TMOD2: variants seen among roughly 807,000 people sequenced by gnomAD.
TMOD2 encodes tropomodulin-2.
A neutral mutation model predicts 39.9 loss-of-function variants in TMOD2; 22 were observed. That is an observed-to-expected ratio of 0.55 (90% CI 0.39 to 0.79). The LOEUF (loss-of-function observed/expected upper bound fraction) is 0.79, where lower values mean the gene tolerates loss of function less well. Ranked by LOEUF, TMOD2 falls within the 30% of genes least tolerant of loss-of-function variation. The pLI, the probability that TMOD2 is intolerant of heterozygous loss-of-function variation, is 0.00. For missense variants in TMOD2, 386 were observed against 413.3 expected (o/e 0.93, Z 0.57); for synonymous variants, 123 against 146.1 (o/e 0.84, Z 1.14).
In TMOD2 at chr15:51,810,888, GA is replaced by G. The variant is rs201081963; in HGVS notation, c.*2441del. ...CTTGGCAAACTCTGGCAGAAAGCAA[GA>G]AAAAAAGAATCAGAATTCAATCATG... On this transcript the variant is annotated 3_prime_UTR_variant, in exon 10 of 10. Transcript: ENST00000249700. 6.7e-6 allele frequency: 1 copy of G among 149,776 alleles called. No individual in the cohort carries two copies. Among genetic ancestry groups the G allele is most frequent in the African/African-American group, 2.5e-5 (1 of 40,780 alleles). The allele number at this position is 149,776 out of a possible 1,614,324, so 9.3% of individuals were successfully genotyped here.
chr15:51,812,578 T>C lies in TMOD2; in HGVS notation c.*4124T>C, dbSNP rs1050350517. On this transcript the variant is annotated 3_prime_UTR_variant, in exon 10 of 10. Transcript: ENST00000249700. ...TTCTGGACTAATATAATTTTATATG[T>C]GTTTCTGAGATTGGGGAGTAGACTG... 5.3e-5 allele frequency: 8 copies of C among 152,184 alleles called. No homozygotes were observed. The highest frequency in any genetic ancestry group is 1.7e-4 in the African/African-American group (7 of 41,436). The allele number at this position is 152,184 out of a possible 1,614,324, so 9.4% of individuals were successfully genotyped here. A position where few individuals can be genotyped will look rare whatever the true frequency, so the allele number is the denominator to read the frequency against.
At chr15:51,775,503 T>C (rs1037677883) in intron 4 of TMOD2, among the ~76,000 whole-genome samples, 1 of 151,964 alleles carries the variant, frequency 6.6e-6, no homozygotes, top group African/African-American at 2.4e-5. Flanking sequence ...GCCTCAGTGT[T>C]TATCAAATGG....
At chr15:51,789,825 C>G (rs1182207278) in intron 7 of TMOD2, among the ~76,000 whole-genome samples, 1 of 152,154 alleles carries the variant, frequency 6.6e-6, no homozygotes, top group Non-Finnish European at 1.5e-5. Flanking sequence ...AACAAAGACA[C>G]AGCGTACCAG....
chr15:51,780,991 T>C, intron 5 of TMOD2, 53 bp from the exon 6 acceptor site: 14 of 1,505,878 alleles, frequency 9.3e-6, no homozygotes, highest in Non-Finnish European at 1.2e-5. Context: ...AAGTCACCAC[T>C]GATTTTGATA....
At chr15:51,794,870 C>T (rs766531152) in intron 7 of TMOD2, among the ~76,000 whole-genome samples, 6 of 152,120 alleles carry the variant, frequency 3.9e-5, no homozygotes, top group African/African-American at 7.2e-5. Flanking sequence ...TATTTTCACA[C>T]ATTTGAGCTT....
At position 51,794,965 on chromosome 15, in the gene TMOD2, A is replaced by G. The variant is rs560843064; in HGVS notation, c.733-3232A>G. Among the ~76,000 whole-genome samples the G allele has an allele frequency of 8.5e-5, 13 of 152,328 alleles. No individual in the cohort carries two copies. In the South Asian group the frequency reaches 2.5e-3, roughly 29 times the overall value. ...TATTAGCAGCATTTACAATTATATG[A>G]CTTATATAAATATAAATCTCCATTC... On this transcript the variant is annotated intron_variant, in intron 7 of 9. Transcript: ENST00000249700.
Position 51,808,546 on chromosome 15 carries a change from T to C in TMOD2, c.*92T>C. 9.8e-7 allele frequency: 1 copy of C among 1,023,798 alleles called. No individual in the cohort carries two copies. Among genetic ancestry groups the C allele is most frequent in the South Asian group, 1.5e-5 (1 of 65,868 alleles). 63.4% of individuals were successfully genotyped at this position (1,023,798 alleles called of 1,614,324 possible). ...CCCCATCAGGACCATTTTATCAAAG[T>C]TCGTTCATTTCCGTTAACCACATAA... is the stretch of plus-strand genomic sequence containing the variant. On this transcript the variant is annotated 3_prime_UTR_variant, in exon 10 of 10. Transcript: ENST00000249700.
chr15:51,790,606 T>C (rs577183033), intron 7 of TMOD2, among the ~76,000 whole-genome samples: 1 of 152,260 alleles, frequency 6.6e-6, no homozygotes, highest in African/African-American at 2.4e-5. Context: ...AAATCCTCAA[T>C]AAAATACTGG....
At chr15:51,800,706 T>G (rs2056081361) in intron 8 of TMOD2, among the ~76,000 whole-genome samples, 1 of 152,142 alleles carries the variant, frequency 6.6e-6, no homozygotes, top group Non-Finnish European at 1.5e-5. Flanking sequence ...TTTTGTTTGT[T>G]TTTTGTTTGT....
chr15:51,807,726 A>T (rs1247364333), intron 9 of TMOD2, among the ~76,000 whole-genome samples: 1 of 152,198 alleles, frequency 6.6e-6, no homozygotes, highest in Non-Finnish European at 1.5e-5. Flanking sequence ...GGAGAGTTAG[A>T]GCAAGACCAC....
chr15:51,810,837 G>C lies in TMOD2; in HGVS notation c.*2383G>C, dbSNP rs979578514. On this transcript the variant is annotated 3_prime_UTR_variant, in exon 10 of 10. Transcript: ENST00000249700. The stretch of plus-strand genomic sequence containing the variant: ...AGAGCATTCCTTGCAGCCCCACAGT[G>C]CTGTGGGCTGGGGGCTAAAGCAGTT... 1 of 149,778 alleles carries C rather than the reference G, an allele frequency of 6.7e-6. No individual in the cohort carries two copies. The allele number at this position is 149,778 out of a possible 1,614,324, so 9.3% of individuals were successfully genotyped here. A position where few individuals can be genotyped will look rare whatever the true frequency, so the allele number is the denominator to read the frequency against.
Position 51,769,860 on chromosome 15 carries a change from C to T in TMOD2, c.283+1442C>T, listed in dbSNP as rs930078985. ...GACCAGCCTGGGAAACATGGCAAAACCCCATCTCTAAAAAAATACAAAAAT... is the reference window on the plus strand; with the variant it reads ...GACCAGCCTGGGAAACATGGCAAAATCCCATCTCTAAAAAAATACAAAAAT... On this transcript the variant is annotated intron_variant, in intron 3 of 9. Coordinates refer to ENST00000249700, the MANE Select transcript of TMOD2 (RefSeq NM_014548.4). 1.1e-4 allele frequency among the ~76,000 whole-genome samples: 16 copies of T among 152,096 alleles called. 1 individual carries two copies. In the East Asian group the frequency reaches 3.1e-3, roughly 29 times the overall value.
At chr15:51,752,694 AG>A (rs2055714662) in intron 1 of TMOD2, 2 of 152,230 alleles carry the variant, frequency 1.3e-5, no homozygotes, top group African/African-American at 2.4e-5. Context: ...CTCCCCTCTC[AG>A]GGAACTGAAA....
intron 2 of TMOD2, chr15:51,766,919 C>A: frequency 6.1e-6 from 1 of 164,416 alleles, no homozygotes; most frequent in Non-Finnish European, 1.3e-5. Context: ...CACAGAAGCC[C>A]TTGAGGTAAA....
rs140594000 is a variant in TMOD2 at position 51,798,572 on chromosome 15, C to T, written c.876+232C>T. ...CCTGGGACATAAAGAGCCATCTATC[C>T]CACAACCCTAGGCTAGTCAGGCTCC... On this transcript the variant is annotated intron_variant, in intron 8 of 9. Coordinates refer to ENST00000249700, the MANE Select transcript of TMOD2 (RefSeq NM_014548.4). 1.6e-3 allele frequency among the ~76,000 whole-genome samples: 237 copies of T among 152,316 alleles called. 1 individual carries two copies. Among genetic ancestry groups the T allele is most frequent in the African/African-American group, 5.5e-3 (230 of 41,564 alleles).
chr15:51,778,961 C>T (rs1259113705), intron 5 of TMOD2, among the ~76,000 whole-genome samples: 1 of 151,030 alleles, frequency 6.6e-6, no homozygotes, highest in Non-Finnish European at 1.5e-5. Context: ...GAGCAATATT[C>T]CTTTTATTTT....
chr15:51,773,323 T>G (rs2055865741), intron 3 of TMOD2, among the ~76,000 whole-genome samples: 1 of 152,164 alleles, frequency 6.6e-6, no homozygotes, highest in South Asian at 2.1e-4. Context: ...GGCCTCATGG[T>G]TCCTCCCCTG....
intron 7 of TMOD2, among the ~76,000 whole-genome samples, chr15:51,796,441 G>T (rs951703050): frequency 6.6e-6 from 1 of 152,092 alleles, no homozygotes; most frequent in African/African-American, 2.4e-5. Context: ...CTCACAGGCA[G>T]CCTGAGAGTC....
At position 51,798,346 on chromosome 15, in the gene TMOD2, G is replaced by T. The variant is rs2056066196; in HGVS notation, c.876+6G>T. On this transcript the variant is annotated splice_donor_region_variant and intron_variant, in intron 8 of 9. Transcript: ENST00000249700. ...AAATCAAGATTGACAACCAGGTAAG[G>T]AAGGCCAGAGAATAGGCAAAGTCAA... 2 of 1,613,070 alleles carry T rather than the reference G, an allele frequency of 1.2e-6. No homozygotes were observed. The highest frequency in any genetic ancestry group is 4.5e-5 in the East Asian group (2 of 44,834).
Sources: gnomAD v4.1 joint callset for allele counts (sites outside exome capture counted in the v4.1 genomes callset) on GRCh38, gnomAD v4.1.1 for gene constraint, MANE v1.5 for transcripts, NCBI Gene and HGNC (gene_info 2026-07-23, HGNC 2026-07-21) for gene names.